SUN2: variants seen among roughly 807,000 people sequenced by gnomAD.
SUN2 encodes the protein SUN domain-containing protein 2.
A neutral mutation model predicts 100.0 loss-of-function variants in SUN2; 60 were observed. That is an observed-to-expected ratio of 0.60 (90% CI 0.49 to 0.74). The LOEUF (loss-of-function observed/expected upper bound fraction) is 0.74, where lower values mean the gene tolerates loss of function less well. SUN2 is among the 30% of genes least tolerant of loss of function. The pLI, the probability that SUN2 is intolerant of heterozygous loss-of-function variation, is 0.00. For missense variants in SUN2, 834 were observed against 954.6 expected (o/e 0.87, Z 1.66); for synonymous variants, 367 against 403.3 (o/e 0.91, Z 1.08).
chr22:38,739,220 T>C lies in SUN2; in HGVS notation c.1663+122A>G. 3.5e-6 allele frequency: 4 copies of C among 1,156,490 alleles called. No individual in the cohort carries two copies. The highest frequency in any genetic ancestry group is 5.2e-6 in the Non-Finnish European group (4 of 775,782). The allele number at this position is 1,156,490 out of a possible 1,614,324, so 71.6% of individuals were successfully genotyped here. ...CTTGCCTTTGTCATGGGTACTAGGT[T>C]GGGTGATTTCTGCTGATCCTGAGCT... is the stretch of plus-strand genomic sequence containing the variant. On this transcript the variant is annotated intron_variant, in intron 14 of 17. Transcript: ENST00000689035. The surrounding 1 kb of genome is among the most constrained non-coding windows in gnomAD (Gnocchi z 6.7).
chr22:38,742,193 G>A, intron 9 of SUN2, 108 bp downstream of exon 9: 1 of 1,378,106 alleles, frequency 7.3e-7, no homozygotes, highest in Non-Finnish European at 9.8e-7. Context: ...CTGCAAAATG[G>A]CAGAGCTGTC....
intron 1 of SUN2, 97 bp from the exon 2 acceptor site, chr22:38,752,762 G>A: frequency 7.3e-7 from 1 of 1,377,904 alleles, no homozygotes; most frequent in Non-Finnish European, 9.7e-7. Flanking sequence ...TCACAGCCGA[G>A]AACAGACCAC....
At chr22:38,748,256 G>A (rs377027782) in intron 7 of SUN2, among the ~76,000 whole-genome samples, 37 of 152,364 alleles carry the variant, frequency 2.4e-4, no homozygotes, top group Middle Eastern at 3.4e-3. Flanking sequence ...GGAGGTTGTG[G>A]TGAGCTGACA....
In SUN2 at chr22:38,740,350, GCTCCT is replaced by G. The variant is rs1216486169; in HGVS notation, c.1268_1272del (p.Gln423ProfsTer117). ...CTCTGCTTCAGTGCCAGAGCCGCCAGCTCCTGCTGCAGGCCGGCCAGCTGGTCCTC... is the reference window on the plus strand; with the variant it reads ...CTCTGCTTCAGTGCCAGAGCCGCCAGGCTGCAGGCCGGCCAGCTGGTCCTC... On this transcript the variant is annotated frameshift_variant, in exon 12 of 18. Coordinates refer to ENST00000689035, the MANE Select transcript of SUN2 (RefSeq NM_015374.3). LOFTEE classifies it high-confidence loss of function. This position sits in a 1 kb window ranked among gnomAD's most constrained non-coding sequence, Gnocchi z 4.8. 6.3e-7 allele frequency: 1 copy of G among 1,585,834 alleles called. No individual in the cohort carries two copies. Among genetic ancestry groups the G allele is most frequent in the Non-Finnish European group, 8.6e-7 (1 of 1,166,436 alleles).
At chr22:38,745,057 C>A (rs1445642464) in intron 8 of SUN2, 1 of 471,222 alleles carries the variant, frequency 2.1e-6, no homozygotes, top group Admixed American at 2.3e-5. Flanking sequence ...TTTGCGGTAG[C>A]CAACAGAATG....
rs778974218 is a variant in SUN2, at chr22:38,751,162, C to G, written c.286+48G>C. The G allele has an allele frequency of 2.4e-5, 38 of 1,603,648 alleles. 1 individual carries two copies. In the Middle Eastern group the frequency reaches 6.6e-4, roughly 28 times the overall value. ...AGGGGACACTGTGAGGAGTATCTCG[C>G]GGGAGGCCGAGGAAGCAAAGCCCCG... is the stretch of plus-strand genomic sequence containing the variant. On this transcript the variant is annotated intron_variant, in intron 3 of 17. Coordinates refer to ENST00000689035, the MANE Select transcript of SUN2 (RefSeq NM_015374.3).
chr22:38,748,808 G>T, intron 6 of SUN2, 25 bp from the exon 7 acceptor site: 2 of 1,613,500 alleles, frequency 1.2e-6, no homozygotes, highest in Non-Finnish European at 1.7e-6. Flanking sequence ...AGGGCAGGAC[G>T]GGGGAGGCGG....
At position 38,737,726 on chromosome 22, in the gene SUN2, C is replaced by T. The variant is rs1272769939; in HGVS notation, c.2040+447G>A. The T allele has an allele frequency of 2.7e-6, 1 of 368,728 alleles. No individual in the cohort carries two copies. The highest frequency in any genetic ancestry group is 2.1e-5 in the African/African-American group (1 of 47,062). The allele number at this position is 368,728 out of a possible 1,614,324, so 22.8% of individuals were successfully genotyped here. Reference sequence around the variant, plus strand: ...CCTGTCAGCCCTAAGGAACCAGACTCTCCTGGGGTGGAGACTGGGAATCTG... The same window carrying T: ...CCTGTCAGCCCTAAGGAACCAGACTTTCCTGGGGTGGAGACTGGGAATCTG... On this transcript the variant is annotated intron_variant, in intron 17 of 17. Transcript: ENST00000689035. The surrounding 1 kb of genome is among the most constrained non-coding windows in gnomAD (Gnocchi z 4.1).
intron 1 of SUN2, among the ~76,000 whole-genome samples, chr22:38,753,318 C>T (rs937015539): frequency 1.5e-4 from 22 of 146,720 alleles, no homozygotes; most frequent in East Asian, 4.1e-4. Flanking sequence ...CAGGTTCATG[C>T]GATTCTCCTG....
At chr22:38,754,055 C>T (rs1007560195) in intron 1 of SUN2, among the ~76,000 whole-genome samples, 1 of 152,154 alleles carries the variant, frequency 6.6e-6, no homozygotes, top group African/African-American at 2.4e-5. Flanking sequence ...CAGTCAGTTC[C>T]GGTCACCATG....
chr22:38,735,820 A>T lies in SUN2; in HGVS notation c.*447T>A, dbSNP rs1014375088. The T allele has an allele frequency of 1.2e-5, 2 of 165,482 alleles. No individual in the cohort carries two copies. Among genetic ancestry groups the T allele is most frequent in the African/African-American group, 4.8e-5 (2 of 41,606 alleles). The allele number at this position is 165,482 out of a possible 1,614,324, so 10.3% of individuals were successfully genotyped here. Reference sequence around the variant, plus strand: ...GAAGTCCCATCCTGCTCTGGAGCTAAGCACCCTCCTCCCAGAGGGCCTCGC... The same window carrying T: ...GAAGTCCCATCCTGCTCTGGAGCTATGCACCCTCCTCCCAGAGGGCCTCGC... On this transcript the variant is annotated 3_prime_UTR_variant, in exon 18 of 18. Transcript: ENST00000689035.
rs2092822276 is a variant in SUN2, at chr22:38,738,107, C to T, written c.2040+66G>A. On this transcript the variant is annotated intron_variant, in intron 17 of 17. Transcript: ENST00000689035. This position sits in a 1 kb window ranked among gnomAD's most constrained non-coding sequence, Gnocchi z 6.6. ...CCCCATGCCTGGCAGGGTAAGTGCC[C>T]AGGGAGCACCTGCTGCCTGGATGGG... The T allele has an allele frequency of 2.7e-6, 4 of 1,455,042 alleles. No homozygotes were observed. The East Asian group carries it at 9.1e-5, about 33-fold the overall frequency. 90.1% of individuals were successfully genotyped at this position (1,455,042 alleles called of 1,614,324 possible).
At chr22:38,745,081 G>A (rs866616103) in intron 8 of SUN2, 15 of 471,002 alleles carry the variant, frequency 3.2e-5, no homozygotes, top group Middle Eastern at 3.2e-4. Context: ...CGGGAGTGAC[G>A]GTGTGCTGGT....
intron 8 of SUN2, 52 bp from the exon 9 acceptor site, chr22:38,742,607 C>T: frequency 6.4e-7 from 1 of 1,561,476 alleles, no homozygotes. Context: ...GATGATAGTG[C>T]TTCCCAAAGA....
In SUN2 at chr22:38,745,749, C is replaced by T. The variant is rs773312082; in HGVS notation, c.748G>A (p.Ala250Thr). 6.2e-7 allele frequency: 1 copy of T among 1,614,098 alleles called. No individual in the cohort carries two copies. The highest frequency in any genetic ancestry group is 1.1e-5 in the South Asian group (1 of 91,088). ...TCCGGCCTCCTGCTGTCCTTCGCTG[C>T]CCACCAGGAAACCAAAGCAGGGTGG... ...TFHPALVSWW[A>T]AKDSRRPDEG... The change falls in exon 8 of 18, where the codon GCA becomes ACA. Residue 250 changes from alanine (A) to threonine (T), a missense_variant. Around this residue, in one of 3 missense-constraint regions of SUN2, gnomAD observed 559 missense variants for 597.7 expected, o/e 0.94. Coordinates refer to ENST00000689035, the MANE Select transcript of SUN2 (RefSeq NM_015374.3).
Position 38,737,638 on chromosome 22 carries a change from A to C in SUN2, c.2040+535T>G, listed in dbSNP as rs958494348. 8 of 298,628 alleles carry C rather than the reference A, an allele frequency of 2.7e-5. No individual in the cohort carries two copies. The highest frequency in any genetic ancestry group is 4.5e-5 in the African/African-American group (2 of 44,566). 18.5% of individuals were successfully genotyped at this position (298,628 alleles called of 1,614,324 possible). A position where few individuals can be genotyped will look rare whatever the true frequency, so the allele number is the denominator to read the frequency against. On this transcript the variant is annotated intron_variant, in intron 17 of 17. Transcript: ENST00000689035. This position sits in a 1 kb window ranked among gnomAD's most constrained non-coding sequence, Gnocchi z 4.1. ...CACTATCCCGCCAACCCAATTCCTCACTCCAGGACTCCCCCGGTGTGGGGC... is the reference window on the plus strand; with the variant it reads ...CACTATCCCGCCAACCCAATTCCTCCCTCCAGGACTCCCCCGGTGTGGGGC...
Position 38,749,774 on chromosome 22 carries a change from A to C in SUN2, c.606T>G (p.Val202=). 1 of 1,614,098 alleles carries C rather than the reference A, an allele frequency of 6.2e-7. No homozygotes were observed. Among genetic ancestry groups the C allele is most frequent in the Non-Finnish European group, 8.5e-7 (1 of 1,179,998 alleles). The change falls in exon 6 of 18, where the codon GTT becomes GTG. Residue 202 remains valine (V), a synonymous_variant. Coordinates refer to ENST00000689035, the MANE Select transcript of SUN2 (RefSeq NM_015374.3). ...TTAASLLDVF[V]LTRRFSSLKT... is the part of the protein sequence containing the mutation. Reference sequence around the variant, plus strand: ...GGTGGAGTCTCGCTCACCTGGTTAAAACGAAGACGTCAAGGAGGGAGGCAG... The same window carrying C: ...GGTGGAGTCTCGCTCACCTGGTTAACACGAAGACGTCAAGGAGGGAGGCAG...
chr22:38,751,268 G>C lies in SUN2; in HGVS notation c.228C>G (p.His76Gln). The C allele has an allele frequency of 1.2e-6, 2 of 1,614,144 alleles. No individual in the cohort carries two copies. ...AGCTCCTGGGTGGGAACCAGGACTC[G>C]TGGACCAGCGACTCACTGTAGTAGG... ...HTSYYSESLVHESWFPPRSSL... is the reference protein window; with the variant it reads ...HTSYYSESLVQESWFPPRSSL... Residue 76 changes from histidine to glutamine, a missense_variant, in exon 3 of 18, where the codon CAC becomes CAG. By Grantham distance (24) the His-to-Gln change is conservative (BLOSUM62 0). Coordinates refer to ENST00000689035, the MANE Select transcript of SUN2 (RefSeq NM_015374.3).
At chr22:38,741,667 T>C in intron 9 of SUN2, 96 bp from the exon 10 acceptor site, 1 of 1,191,128 alleles carries the variant, frequency 8.4e-7, no homozygotes, top group Non-Finnish European at 1.2e-6. Flanking sequence ...AAACAAGGTC[T>C]GTTTGCTTCC....
Sources: allele counts gnomAD v4.1 joint callset (sites outside exome capture counted in the v4.1 genomes callset), GRCh38; gene constraint gnomAD v4.1.1; regional missense constraint gnomAD v4.1.1; non-coding constraint Gnocchi (gnomAD v3.1); transcripts MANE v1.5; gene names NCBI Gene and HGNC (gene_info 2026-07-23, HGNC 2026-07-21).